ROBO2: variants seen among roughly 807,000 people sequenced by gnomAD.
The protein encoded by ROBO2 is roundabout homolog 2.
In ROBO2, 53 loss-of-function variants were observed where a neutral mutation model predicts 160.8. The observed-to-expected ratio is 0.33, with a 90% CI of 0.26 to 0.41. The LOEUF (loss-of-function observed/expected upper bound fraction) is 0.41. ROBO2 is among the 10% of genes least tolerant of loss of function. ROBO2 has a pLI of 1.00. For missense variants in ROBO2, 1,577 were observed against 1,722.4 expected (o/e 0.92, Z 1.49); for synonymous variants, 664 against 611.7 (o/e 1.09, Z -1.26).
At chr3:75,994,713 A>T (rs528918644) in intron 2 of ROBO2, among the ~76,000 whole-genome samples, 126 of 152,346 alleles carry the variant, frequency 8.3e-4, no homozygotes, top group Non-Finnish European at 1.4e-3. Flanking sequence ...TGCTATAAGG[A>T]TACCTGAAAA....
intron 2 of ROBO2, among the ~76,000 whole-genome samples, chr3:76,267,767 A>G (rs760625941): frequency 1.3e-4 from 20 of 152,176 alleles, no homozygotes; most frequent in Non-Finnish European, 2.8e-4. Flanking sequence ...CTTAATGGTT[A>G]AGCAAATATG....
intron 2 of ROBO2, among the ~76,000 whole-genome samples, chr3:77,296,578 A>G (rs1324992182): frequency 1.3e-5 from 2 of 152,082 alleles, no homozygotes; most frequent in African/African-American, 4.8e-5. Flanking sequence ...CTAGAGTCTA[A>G]TTTAATTGTT....
chr3:76,436,796 G>C (rs1369442876), intron 2 of ROBO2, among the ~76,000 whole-genome samples: 1 of 152,066 alleles, frequency 6.6e-6, no homozygotes, highest in East Asian at 1.9e-4. Context: ...TTTTTATATA[G>C]TGTTCATTTA....
chr3:76,849,599 C>T lies in ROBO2; in HGVS notation c.110-248415C>T, dbSNP rs910408665. Among the ~76,000 whole-genome samples, 5 of 152,070 alleles carry T rather than the reference C, an allele frequency of 3.3e-5. No individual in the cohort carries two copies. In the South Asian group the frequency reaches 6.2e-4, roughly 19 times the overall value. On this transcript the variant is annotated intron_variant, in intron 2 of 26. Transcript: ENST00000487694. ...AAATGCTAATTTTAAAATATCATAA[C>T]GTATACATCATTTTTAAAGAATGCT...
intron 2 of ROBO2, among the ~76,000 whole-genome samples, chr3:76,974,481 A>G (rs1559786506): frequency 6.6e-6 from 1 of 152,152 alleles, no homozygotes; most frequent in Non-Finnish European, 1.5e-5. Context: ...GAGGAAAGCA[A>G]CTCGGCCAAG....
At chr3:77,304,241 G>T (rs2062900585) in intron 2 of ROBO2, among the ~76,000 whole-genome samples, 1 of 152,168 alleles carries the variant, frequency 6.6e-6, no homozygotes, top group South Asian at 2.1e-4. Context: ...GAAGCACAAA[G>T]AACCCCTTTT....
rs141070274 is a variant in ROBO2, at chr3:76,749,952, C to A, written c.110-348062C>A. 7.0e-3 allele frequency among the ~76,000 whole-genome samples: 1,061 copies of A among 152,172 alleles called. 10 individuals are homozygous for A. Among genetic ancestry groups the A allele is most frequent in the African/African-American group, 0.024 (1,017 of 41,516 alleles). On this transcript the variant is annotated intron_variant, in intron 2 of 26. Coordinates refer to the ROBO2 transcript ENST00000487694. Reference sequence around the variant, plus strand: ...ATCCTCCCTAACTCATTTTCTGAGGCCAGCATCATCCTGATACCAAAGCCG... The same window carrying A: ...ATCCTCCCTAACTCATTTTCTGAGGACAGCATCATCCTGATACCAAAGCCG...
At chr3:77,528,084 G>T (rs2091335480) in intron 6 of ROBO2, among the ~76,000 whole-genome samples, 1 of 151,500 alleles carries the variant, frequency 6.6e-6, no homozygotes, top group African/African-American at 2.4e-5. Flanking sequence ...TATTTAAGTG[G>T]TAATTATTTG....
In ROBO2 at chr3:77,379,008, C is replaced by T. The variant is rs1395186385; in HGVS notation, c.389-98406C>T. Among the ~76,000 whole-genome samples the T allele has an allele frequency of 4.0e-5, 6 of 151,284 alleles. No individual in the cohort carries two copies. The South Asian group carries it at 8.4e-4, about 21-fold the overall frequency. ...TGTTGCCCAGGCTGGAGTGCAATGGCGTGATCTCGGCTCGCTGCAACCTCT... is the reference window on the plus strand; with the variant it reads ...TGTTGCCCAGGCTGGAGTGCAATGGTGTGATCTCGGCTCGCTGCAACCTCT... On this transcript the variant is annotated intron_variant, in intron 2 of 25. Coordinates refer to ENST00000461745, the Ensembl canonical transcript of ROBO2.
intron 2 of ROBO2, among the ~76,000 whole-genome samples, chr3:76,298,722 ATAACT>A (rs1270581324): frequency 1.3e-5 from 2 of 152,208 alleles, no homozygotes; most frequent in African/African-American, 4.8e-5. Context: ...AAATAATTAA[ATAACT>A]TAACCAAGAT....
intron 2 of ROBO2, among the ~76,000 whole-genome samples, chr3:76,027,613 A>G (rs1004121014): frequency 2.0e-5 from 3 of 151,932 alleles, no homozygotes; most frequent in Admixed American, 6.6e-5. Context: ...CTTTTCTGAC[A>G]ACAGTGTCTT....
chr3:76,698,458 A>C (rs2092979132), intron 2 of ROBO2, among the ~76,000 whole-genome samples: 1 of 152,140 alleles, frequency 6.6e-6, no homozygotes, highest in Admixed American at 6.6e-5. Flanking sequence ...ACAATTTTCA[A>C]GACCAATTTC....
At chr3:77,082,719 T>TATAC (rs1553761793) in intron 1 of ROBO2, among the ~76,000 whole-genome samples, 70 of 149,474 alleles carry the variant, frequency 4.7e-4, no homozygotes, top group African/African-American at 1.6e-3. Flanking sequence ...TATATATATA[T>TATAC]ACACACACAA....
At chr3:76,105,001 C>T (rs1428022474) in intron 2 of ROBO2, among the ~76,000 whole-genome samples, 2 of 152,118 alleles carry the variant, frequency 1.3e-5, no homozygotes, top group Admixed American at 1.3e-4. Flanking sequence ...CTTTGATTCT[C>T]TATGATTTAT....
chr3:76,228,346 T>A (rs978186552), intron 2 of ROBO2, among the ~76,000 whole-genome samples: 6 of 152,178 alleles, frequency 3.9e-5, no homozygotes, highest in African/African-American at 1.4e-4. Flanking sequence ...GTACCATGTA[T>A]TCCTTCAGGT....
intron 2 of ROBO2, among the ~76,000 whole-genome samples, chr3:76,743,018 G>A (rs2093827588): frequency 6.6e-6 from 1 of 152,014 alleles, no homozygotes; most frequent in Non-Finnish European, 1.5e-5. Flanking sequence ...TCCTATTTTA[G>A]GTGACTATTT....
chr3:77,159,124 A>G (rs116342854), intron 2 of ROBO2, among the ~76,000 whole-genome samples: 2,548 of 152,112 alleles, frequency 0.017, 77 homozygotes, highest in African/African-American at 0.059. Context: ...AATCTCATTG[A>G]TAGATTGGTT....
upstream of ROBO2, among the ~76,000 whole-genome samples, chr3:77,036,832 G>A (rs535481287): frequency 6.6e-6 from 1 of 151,168 alleles, no homozygotes; most frequent in East Asian, 1.9e-4. Context: ...CTAAGCCATT[G>A]CTGTTTCTTT....
chr3:76,394,714 G>A (rs946093630), intron 2 of ROBO2, among the ~76,000 whole-genome samples: 19 of 151,974 alleles, frequency 1.3e-4, no homozygotes, highest in African/African-American at 4.1e-4. Context: ...AACCACCAAC[G>A]ATCAAAAGAG....
Sources: allele counts gnomAD v4.1 joint callset (sites outside exome capture counted in the v4.1 genomes callset), GRCh38; gene constraint gnomAD v4.1.1; transcripts MANE v1.5; gene names NCBI Gene and HGNC (gene_info 2026-07-23, HGNC 2026-07-21).